GTPBP4: variants seen among roughly 807,000 people sequenced by gnomAD.
GTPBP4 encodes GTP binding protein 4, also known as GTP-binding protein 4.
Under a neutral mutation model 81.7 loss-of-function variants are expected in GTPBP4, and 15 were observed. That is an observed-to-expected ratio of 0.18 (90% CI 0.12 to 0.28). The LOEUF (loss-of-function observed/expected upper bound fraction) is 0.28, where lower values mean the gene tolerates loss of function less well. Ranked by LOEUF, GTPBP4 falls within the 10% of genes least tolerant of loss-of-function variation. The pLI, the probability that GTPBP4 is intolerant of heterozygous loss-of-function variation, is 1.00. For synonymous variants in GTPBP4, 272 were observed against 274.6 expected (o/e 0.99, Z 0.09); for missense variants, 847 against 793.8 (o/e 1.07, Z -0.81).
In GTPBP4 at chr10:1,015,813, G is replaced by A. The variant is rs1363659020; in HGVS notation, c.1669G>A (p.Asp557Asn). ...CATCACTAGGAAAAGAAAGCGGGAA[G>A]ACTCTGCTCCCCCGTCCTCTGTGGC... The part of the protein sequence containing the change: ...RSITRKRKRE[D>N]SAPPSSVARS... Residue 557 changes from aspartate (D) to asparagine (N), a missense_variant, in exon 16 of 17, where the codon GAC (aspartate) becomes AAC (asparagine). Coordinates refer to ENST00000360803, the MANE Select transcript of GTPBP4 (RefSeq NM_012341.3). The A allele has an allele frequency of 1.2e-6, 2 of 1,614,062 alleles. No homozygotes were observed. The highest frequency in any genetic ancestry group is 1.7e-6 in the Non-Finnish European group (2 of 1,179,882).
intron 6 of GTPBP4, 119 bp from the exon 7 acceptor site, chr10:1,000,558 T>A: frequency 4.2e-6 from 2 of 478,880 alleles, no homozygotes; most frequent in Non-Finnish European, 7.0e-6. Flanking sequence ...TTTTTTTAAC[T>A]ACAATTCTGC....
chr10:993,574 A>G (rs1393617881), intron 2 of GTPBP4, among the ~76,000 whole-genome samples: 1 of 151,684 alleles, frequency 6.6e-6, no homozygotes, highest in Non-Finnish European at 1.5e-5. Flanking sequence ...GTAGAAAAGC[A>G]AGAGCAGAAA....
chr10:1,013,625 TA>T lies in GTPBP4; in HGVS notation c.1543-613del, dbSNP rs1185925317. ...ACTCCATCTCAAAAAATAAAAAATTTAAAAAAAAATCTGGACTCTTTAGCAA... is the reference window on the plus strand; with the variant it reads ...ACTCCATCTCAAAAAATAAAAAATTTAAAAAAAATCTGGACTCTTTAGCAA... On this transcript the variant is annotated intron_variant, in intron 14 of 16. Coordinates refer to ENST00000360803, the MANE Select transcript of GTPBP4 (RefSeq NM_012341.3). 3.3e-5 allele frequency among the ~76,000 whole-genome samples: 5 copies of T among 151,356 alleles called. No individual in the cohort carries two copies. The South Asian group carries it at 6.3e-4, about 19-fold the overall frequency.
At chr10:992,425 T>TCCTTTTTTGAGC in intron 1 of GTPBP4, 64 bp from the exon 2 acceptor site, 3 of 1,039,078 alleles carry the variant, frequency 2.9e-6, no homozygotes, top group Non-Finnish European at 4.3e-6. Flanking sequence ...AAGGAAGGTT[T>TCCTTTTTTGAGC]CAAATAAATG....
intron 10 of GTPBP4, 197 bp downstream of exon 10, chr10:1,007,325 C>G (rs1460624319): frequency 9.5e-6 from 5 of 524,962 alleles, no homozygotes; most frequent in Non-Finnish European, 1.7e-5. Flanking sequence ...GCACCCGTTT[C>G]CCACTGCATG....
At chr10:989,462 C>T (rs1042198932) in intron 1 of GTPBP4, among the ~76,000 whole-genome samples, 6 of 152,058 alleles carry the variant, frequency 3.9e-5, no homozygotes, top group Non-Finnish European at 7.4e-5. Context: ...AGTGAACATT[C>T]GATTTGGGTC....
intron 2 of GTPBP4, among the ~76,000 whole-genome samples, chr10:995,485 C>T (rs772075351): frequency 1.0e-5 from 1 of 99,208 alleles, no homozygotes; most frequent in Non-Finnish European, 2.0e-5. Context: ...AGAGGAGAGA[C>T]ACAGTGTGTC....
At position 1,019,228 on chromosome 10, in the gene GTPBP4, T is replaced by G; in HGVS notation, c.*2001T>G. 1 of 321,904 alleles carries G rather than the reference T, an allele frequency of 3.1e-6. No homozygotes were observed. The highest frequency in any genetic ancestry group is 5.9e-6 in the Non-Finnish European group (1 of 170,690). 19.9% of individuals were successfully genotyped at this position (321,904 alleles called of 1,614,324 possible). ...GGACTCTCAAGATCTCCCCAAGACT[T>G]TCAGGATCAGCTGCTGTTAATCAAA... On this transcript the variant is annotated 3_prime_UTR_variant, in exon 17 of 17. Coordinates refer to ENST00000360803, the MANE Select transcript of GTPBP4 (RefSeq NM_012341.3).
At chr10:1,012,401 A>T in intron 13 of GTPBP4, 64 bp from the exon 14 acceptor site, 1 of 1,126,872 alleles carries the variant, frequency 8.9e-7, no homozygotes, top group Non-Finnish European at 1.3e-6. Context: ...ACACTCTGCC[A>T]CACTCACTGA....
rs1448639028 is a variant in GTPBP4 at position 1,007,002 on chromosome 10, T to C, written c.1003-16T>C. 6.4e-7 allele frequency: 1 copy of C among 1,550,684 alleles called. No individual in the cohort carries two copies. The highest frequency in any genetic ancestry group is 1.4e-5 in the African/African-American group (1 of 73,826). ...AGGATGCGTTTGTGACTGTGCCTTC[T>C]TTTTTACGTTATTAGGCTTGCGATA... is the stretch of plus-strand genomic sequence containing the variant. On this transcript the variant is annotated splice_polypyrimidine_tract_variant and intron_variant, in intron 9 of 16. Coordinates refer to ENST00000360803, the MANE Select transcript of GTPBP4 (RefSeq NM_012341.3).
intron 2 of GTPBP4, among the ~76,000 whole-genome samples, chr10:995,042 C>G (rs906638351): frequency 6.6e-6 from 1 of 152,100 alleles, no homozygotes; most frequent in African/African-American, 2.4e-5. Flanking sequence ...GTGGGGCAGG[C>G]TAGGGAGGTG....
At chr10:1,010,032 C>T (rs752710712) in intron 12 of GTPBP4, among the ~76,000 whole-genome samples, 1 of 152,112 alleles carries the variant, frequency 6.6e-6, no homozygotes, top group Non-Finnish European at 1.5e-5. Context: ...AGTGGGGGTT[C>T]TTCCATTGTT....
In GTPBP4 at chr10:1,011,446, A is replaced by G. The variant is rs924561374; in HGVS notation, c.1344+926A>G. On this transcript the variant is annotated intron_variant, in intron 13 of 16. Transcript: ENST00000360803. Reference sequence around the variant, plus strand: ...TGAAACATGCTAACATGCTTATACAATACTTGCTGTCCTGCCTTCTGCTCT... The same window carrying G: ...TGAAACATGCTAACATGCTTATACAGTACTTGCTGTCCTGCCTTCTGCTCT... Among the ~76,000 whole-genome samples, 3 of 152,118 alleles carry G rather than the reference A, an allele frequency of 2.0e-5. No individual in the cohort carries two copies. The South Asian group carries it at 6.2e-4, about 32-fold the overall frequency.
At chr10:1,006,334 A>G (rs758340398) in intron 9 of GTPBP4, among the ~76,000 whole-genome samples, 9 of 152,164 alleles carry the variant, frequency 5.9e-5, no homozygotes, top group Non-Finnish European at 1.0e-4. Flanking sequence ...TGTTGTTTTT[A>G]TCTCAAATAA....
At chr10:989,367 G>A (rs564499228) in intron 1 of GTPBP4, among the ~76,000 whole-genome samples, 32 of 152,116 alleles carry the variant, frequency 2.1e-4, no homozygotes, top group African/African-American at 6.7e-4. Context: ...CTCCCGCCCC[G>A]GCCTCCCAAA....
intron 8 of GTPBP4, among the ~76,000 whole-genome samples, chr10:1,003,619 T>C (rs1831677415): frequency 6.6e-6 from 1 of 152,204 alleles, no homozygotes; most frequent in Non-Finnish European, 1.5e-5. Context: ...ACTTTCTGGA[T>C]AGGAGCAGTG....
At chr10:1,010,630 A>G in intron 13 of GTPBP4, 110 bp downstream of exon 13, 5 of 733,746 alleles carry the variant, frequency 6.8e-6, no homozygotes, top group Non-Finnish European at 1.3e-5. Flanking sequence ...TTCATTCTGC[A>G]CCCCTCCATC....
Position 1,019,827 on chromosome 10 carries a change from G to A in GTPBP4, c.*2600G>A. 1.2e-6 allele frequency: 2 copies of A among 1,611,306 alleles called. No individual in the cohort carries two copies. The highest frequency in any genetic ancestry group is 8.5e-7 in the Non-Finnish European group (1 of 1,177,502). On this transcript the variant is annotated 3_prime_UTR_variant, in exon 17 of 17. Transcript: ENST00000360803. Reference sequence around the variant, plus strand: ...GATTGTCATGAACACAATGTCCTCTGGAGAAATCTATTGACAGAAATTGGT... The same window carrying A: ...GATTGTCATGAACACAATGTCCTCTAGAGAAATCTATTGACAGAAATTGGT...
chr10:1,008,460 T>C (rs1589029324), intron 10 of GTPBP4: 1 of 327,738 alleles, frequency 3.1e-6, no homozygotes, highest in South Asian at 2.6e-5. Context: ...TTGGATAGTC[T>C]TCACCGTGTC....
Sources: gnomAD v4.1 joint callset for allele counts (sites outside exome capture counted in the v4.1 genomes callset) on GRCh38, gnomAD v4.1.1 for gene constraint, MANE v1.5 for transcripts, NCBI Gene and HGNC (gene_info 2026-07-23, HGNC 2026-07-21) for gene names.